GRIP2: variants seen among roughly 807,000 people sequenced by gnomAD.
GRIP2 encodes the protein glutamate receptor-interacting protein 2.
GRIP2 carries 58 observed loss-of-function variants against 108.3 expected under a neutral mutation model. That is an observed-to-expected ratio of 0.54 (90% CI 0.43 to 0.67). GRIP2 has a LOEUF of 0.67. Ranked by LOEUF, GRIP2 falls within the 30% of genes least tolerant of loss-of-function variation. GRIP2 has a pLI of 0.00. For synonymous variants in GRIP2, 586 were observed against 598.2 expected, an observed-to-expected ratio of 0.98 and a Z score of 0.30; for missense variants, 1,278 against 1,430.6, an observed-to-expected ratio of 0.89 and a Z score of 1.72.
Position 14,520,248 on chromosome 3 carries a change from G to A in GRIP2, c.892C>T (p.Leu298=). ...SGALHPGDHI[L]SIDGTSMEHC... is the part of the protein sequence containing the mutation. ...TCCATGCTGGTGCCATCGATGGACA[G>A]GATGTGGTCTCCAGGGTGCAGGGCT... Residue 298 remains leucine, a synonymous_variant, in exon 9 of 24, where the codon CTG becomes TTG. Coordinates refer to ENST00000621039, the MANE Select transcript of GRIP2 (RefSeq NM_001080423.4). 1 of 1,613,904 alleles carries A rather than the reference G, an allele frequency of 6.2e-7. No individual in the cohort carries two copies. Among genetic ancestry groups the A allele is most frequent in the East Asian group, 2.2e-5 (1 of 44,880 alleles).
intron 1 of GRIP2, among the ~76,000 whole-genome samples, chr3:14,533,624 G>T (rs956478618): frequency 2.0e-5 from 3 of 152,096 alleles, no homozygotes; most frequent in Non-Finnish European, 4.4e-5. Context: ...GGCGAAGGGG[G>T]GGACCCATGC....
chr3:14,513,692 C>A lies in GRIP2; in HGVS notation c.1612G>T (p.Val538Leu), dbSNP rs753424479. ...GCCACATCGAACTCCACCTCCAGCACGACCTTGTGGGCCAGTGCGGCGTCC... is the reference window on the plus strand; with the variant it reads ...GCCACATCGAACTCCACCTCCAGCAAGACCTTGTGGGCCAGTGCGGCGTCC... ...LRDAALAHKVVLEVEFDVAES... is the reference protein window; with the variant it reads ...LRDAALAHKVLLEVEFDVAES... The change falls in exon 13 of 24, where the codon GTG (valine) becomes TTG (leucine). Residue 538 changes from valine (V) to leucine (L), a missense_variant. By Grantham distance (32) the Val-to-Leu change is conservative. Transcript: ENST00000621039. 3.7e-6 allele frequency: 6 copies of A among 1,610,812 alleles called. No individual in the cohort carries two copies. The highest frequency in any genetic ancestry group is 5.1e-6 in the Non-Finnish European group (6 of 1,178,680).
the GRIP2 span, among the ~76,000 whole-genome samples, chr3:14,579,600 C>A: frequency 6.6e-6 from 1 of 152,028 alleles, no homozygotes; most frequent in Non-Finnish European, 1.5e-5. Context: ...CACGCCAGTT[C>A]TACTGAGAGT....
the GRIP2 span, among the ~76,000 whole-genome samples, chr3:14,567,210 T>C: frequency 6.6e-6 from 1 of 152,206 alleles, no homozygotes; most frequent in Non-Finnish European, 1.5e-5. Flanking sequence ...AGGCTAGGAC[T>C]CATACCCAGG....
intron 1 of GRIP2, among the ~76,000 whole-genome samples, chr3:14,535,933 C>A (rs558442271): frequency 6.6e-6 from 1 of 152,182 alleles, no homozygotes; most frequent in Non-Finnish European, 1.5e-5. Context: ...GCCAAGGGCT[C>A]GATGGAGATG....
chr3:14,510,124 C>G (rs778342863), intron 16 of GRIP2, among the ~76,000 whole-genome samples, 160 bp from the exon 17 acceptor site: 4 of 152,232 alleles, frequency 2.6e-5, no homozygotes, highest in Non-Finnish European at 5.9e-5. Context: ...CTGAGGCCAT[C>G]TTCTGCCCAA....
rs1372839954 is a variant in GRIP2, at chr3:14,490,771, G to GA, written c.*2893dup. ...TTTGCACTAGCTGTGCCCGCTGCCTGAGACACTCTTCCTCCAGGTCTCCAT... is the reference window on the plus strand; with the variant it reads ...TTTGCACTAGCTGTGCCCGCTGCCTGAAGACACTCTTCCTCCAGGTCTCCAT... On this transcript the variant is annotated 3_prime_UTR_variant, in exon 24 of 24. Transcript: ENST00000621039. 6.6e-6 allele frequency: 1 copy of GA among 152,192 alleles called. No homozygotes were observed. Among genetic ancestry groups the GA allele is most frequent in the Non-Finnish European group, 1.5e-5 (1 of 68,042 alleles). The allele number at this position is 152,192 out of a possible 1,614,324, so 9.4% of individuals were successfully genotyped here. A position where few individuals can be genotyped will look rare whatever the true frequency, so the allele number is the denominator to read the frequency against.
chr3:14,563,776 G>A, the GRIP2 span, among the ~76,000 whole-genome samples: 6 of 152,096 alleles, frequency 3.9e-5, no homozygotes, highest in African/African-American at 7.2e-5. Flanking sequence ...AAACTTGGGG[G>A]GTGGCATCCA....
At chr3:14,501,646 A>G (rs908786192) in intron 21 of GRIP2, among the ~76,000 whole-genome samples, 5 of 152,250 alleles carry the variant, frequency 3.3e-5, no homozygotes, top group Non-Finnish European at 5.9e-5. Context: ...AAATACACAT[A>G]AACTCATTAA....
rs1693547038 is a variant in GRIP2 at position 14,495,006 on chromosome 3, G to A, written c.2824-17C>T. The A allele has an allele frequency of 2.5e-6, 4 of 1,612,810 alleles. No homozygotes were observed. Among genetic ancestry groups the A allele is most frequent in the African/African-American group, 2.7e-5 (2 of 74,920 alleles). ...CAGGGTCACCTGGAAGCAGAAGGAG[G>A]AGGAGGTTCCTGGAACTCTGACCTT... On this transcript the variant is annotated splice_polypyrimidine_tract_variant and intron_variant, in intron 22 of 23. Coordinates refer to ENST00000621039, the MANE Select transcript of GRIP2 (RefSeq NM_001080423.4).
At chr3:14,496,378 C>A (rs761330162) in intron 22 of GRIP2, 39 bp downstream of exon 22, 2 of 1,554,696 alleles carry the variant, frequency 1.3e-6, no homozygotes, top group South Asian at 2.4e-5. Flanking sequence ...GGCACCAGAA[C>A]ACAGGTCCAG....
At chr3:14,567,346 T>C in the GRIP2 span, among the ~76,000 whole-genome samples, 6 of 152,292 alleles carry the variant, frequency 3.9e-5, no homozygotes, top group South Asian at 2.1e-4. Flanking sequence ...CTCTGCAGCA[T>C]GGGATCCCGC....
At chr3:14,548,342 AG>A (rs1409901738) in intron 1 of GRIP2, among the ~76,000 whole-genome samples, 5 of 152,214 alleles carry the variant, frequency 3.3e-5, no homozygotes, top group African/African-American at 1.2e-4. Context: ...AGGAAGGATC[AG>A]GCTCTCCGGA....
Position 14,517,199 on chromosome 3 carries a change from G to C in GRIP2, c.1171C>G (p.Pro391Ala). The change falls in exon 11 of 24, where the codon CCC becomes GCC. Residue 391 changes from proline to alanine, a missense_variant. Coordinates refer to ENST00000621039, the MANE Select transcript of GRIP2 (RefSeq NM_001080423.4). ...QDQSRSLSST[P>A]FSSPTLNHAF... ...TGGTTCAAGGTCGGCGAGGAAAAGG[G>C]AGTTGAAGACAAGGCTGGGGAGATG... 1 of 1,594,350 alleles carries C rather than the reference G, an allele frequency of 6.3e-7. No homozygotes were observed. The highest frequency in any genetic ancestry group is 8.5e-7 in the Non-Finnish European group (1 of 1,170,700).
chr3:14,501,164 A>C (rs1693754374), intron 21 of GRIP2, among the ~76,000 whole-genome samples: 1 of 152,228 alleles, frequency 6.6e-6, no homozygotes, highest in Non-Finnish European at 1.5e-5. Flanking sequence ...AGAATAGGCT[A>C]ATCCATAGAG....
the GRIP2 span, among the ~76,000 whole-genome samples, chr3:14,585,245 A>G: frequency 6.6e-6 from 1 of 150,650 alleles, no homozygotes; most frequent in East Asian, 2.0e-4. Context: ...CTGATCTTGA[A>G]CTCCTGACCT....
chr3:14,583,835 T>C, the GRIP2 span, among the ~76,000 whole-genome samples: 1 of 152,170 alleles, frequency 6.6e-6, no homozygotes, highest in African/African-American at 2.4e-5. Flanking sequence ...CAACCACCAG[T>C]GTACGCCAAG....
In GRIP2 at chr3:14,505,753, G is replaced by T. The variant is rs745574318; in HGVS notation, c.2435C>A (p.Thr812Asn). 30 of 1,575,430 alleles carry T rather than the reference G, an allele frequency of 1.9e-5. No individual in the cohort carries two copies. Among genetic ancestry groups the T allele is most frequent in the African/African-American group, 2.7e-5 (2 of 74,106 alleles). Residue 812 changes from threonine (T) to asparagine (N), a missense_variant, in exon 20 of 24, where the codon ACC becomes AAC. Physicochemically the swap from Thr to Asn is moderately conservative, Grantham distance 65 (BLOSUM62 0). Coordinates refer to ENST00000621039, the MANE Select transcript of GRIP2 (RefSeq NM_001080423.4). This position sits in a 1 kb window ranked among gnomAD's most constrained non-coding sequence, Gnocchi z 4.2. ...CCAGCCAGGCCTCCGCTCCTGGGGGGTCGTGCCCCGGGCTGCTGCCTGTGG... is the reference window on the plus strand; with the variant it reads ...CCAGCCAGGCCTCCGCTCCTGGGGGTTCGTGCCCCGGGCTGCTGCCTGTGG... Reference protein sequence around the residue: ...YTPQAAARGTTPQERRPGWLR... With the variant: ...YTPQAAARGTNPQERRPGWLR...
At chr3:14,602,516 C>A in the GRIP2 span, among the ~76,000 whole-genome samples, 1 of 151,970 alleles carries the variant, frequency 6.6e-6, no homozygotes, top group African/African-American at 2.4e-5. This position sits in a 1 kb window ranked among gnomAD's most constrained non-coding sequence, Gnocchi z 4.7. Flanking sequence ...ACCCGGCGGG[C>A]TGGCTGGAGG....
Sources: gnomAD v4.1 joint callset for allele counts (sites outside exome capture counted in the v4.1 genomes callset) on GRCh38, gnomAD v4.1.1 for gene constraint, Gnocchi (gnomAD v3.1) non-coding constraint, MANE v1.5 for transcripts, NCBI Gene and HGNC (gene_info 2026-07-23, HGNC 2026-07-21) for gene names.